Variants in MYO18B observed in about 807,000 individuals in gnomAD.
MYO18B encodes the protein myosin XVIIIB.
MYO18B carries 204 observed loss-of-function variants against 273.0 expected under a neutral mutation model. The ratio of observed to expected loss-of-function variants is 0.75; its 90% CI spans 0.67 to 0.84. The LOEUF is 0.84. Ranked by LOEUF, MYO18B falls within the 40% of genes least tolerant of loss-of-function variation. The pLI, the probability that MYO18B is intolerant of heterozygous loss-of-function variation, is 0.00. For synonymous variants in MYO18B, 1,330 were observed against 1,305.7 expected, an observed-to-expected ratio of 1.02 and a Z score of -0.40; for missense variants, 3,212 against 3,287.6, an observed-to-expected ratio of 0.98 and a Z score of 0.56.
intron 33 of MYO18B, among the ~76,000 whole-genome samples, chr22:25,920,575 G>C (rs1231875242): frequency 3.9e-5 from 6 of 152,112 alleles, no homozygotes; most frequent in Non-Finnish European, 8.8e-5. Context: ...CTCACCTCTG[G>C]GTAAGGTTCC....
chr22:26,022,762 T>C (rs1037525389), intron 42 of MYO18B, among the ~76,000 whole-genome samples: 1 of 152,238 alleles, frequency 6.6e-6, no homozygotes, highest in African/African-American at 2.4e-5. Flanking sequence ...TTAGACCCCA[T>C]GACAGCCAGG....
At chr22:25,868,443 C>G (rs2146144234) in intron 22 of MYO18B, 58 bp downstream of exon 22, 1 of 1,413,288 alleles carries the variant, frequency 7.1e-7, no homozygotes, top group South Asian at 1.2e-5. Flanking sequence ...CCAGAGATGA[C>G]CTGATTCTTG....
chr22:25,976,867 G>A (rs1450572265), intron 39 of MYO18B, among the ~76,000 whole-genome samples: 1 of 152,194 alleles, frequency 6.6e-6, no homozygotes, highest in Admixed American at 6.5e-5. Context: ...TGTGGAAAAT[G>A]CTGATTGAGG....
intron 33 of MYO18B, among the ~76,000 whole-genome samples, chr22:25,913,342 CA>C (rs2092196423): frequency 6.7e-6 from 1 of 150,028 alleles, no homozygotes; most frequent in South Asian, 2.1e-4. Flanking sequence ...GTGCATTTTT[CA>C]CATGTTGATT....
chr22:25,962,076 C>T (rs1247764916), intron 39 of MYO18B, among the ~76,000 whole-genome samples: 2 of 152,156 alleles, frequency 1.3e-5, no homozygotes, highest in Non-Finnish European at 2.9e-5. Flanking sequence ...GCCAAGTAAA[C>T]CTCTTTTCTT....
chr22:25,948,942 G>T (rs1188142601), intron 36 of MYO18B, among the ~76,000 whole-genome samples: 1 of 151,970 alleles, frequency 6.6e-6, no homozygotes, highest in African/African-American at 2.4e-5. Context: ...GGGGATTGGG[G>T]GTGCCTTCCA....
In MYO18B at chr22:25,828,909, C is replaced by T. The variant is rs1352786218; in HGVS notation, c.2920C>T (p.Arg974Cys). Residue 974 changes from arginine (R) to cysteine (C), a missense_variant, in exon 15 of 44, where the codon CGC becomes TGC. Coordinates refer to ENST00000335473, the MANE Select transcript of MYO18B (RefSeq NM_032608.7). ...GCTGTGCCACAACTACGCCCATGAG[C>T]GCCTGCAGCTGCTGTTCTACCAGCG... The part of the protein sequence containing the change: ...EELCHNYAHE[R>C]LQLLFYQRTF... 1.2e-5 allele frequency: 19 copies of T among 1,613,894 alleles called. No homozygotes were observed. Among genetic ancestry groups the T allele is most frequent in the Middle Eastern group, 1.6e-4 (1 of 6,084 alleles).
Position 25,898,460 on chromosome 22 carries a change from A to G in MYO18B, c.4822A>G (p.Lys1608Glu), listed in dbSNP as rs778936846. 4 of 1,613,370 alleles carry G rather than the reference A, an allele frequency of 2.5e-6. No homozygotes were observed. Among genetic ancestry groups the G allele is most frequent in the Non-Finnish European group, 3.4e-6 (4 of 1,179,630 alleles). ...RNHELEKKQK[K>E]FDLQLAQALG... ...CCATGAGCTGGAGAAGAAGCAGAAGAAGTGAGTTGCATCTCTCACCATCAC... is the reference window on the plus strand; with the variant it reads ...CCATGAGCTGGAGAAGAAGCAGAAGGAGTGAGTTGCATCTCTCACCATCAC... Residue 1608 changes from lysine to glutamate, a missense_variant and splice_region_variant, in exon 29 of 44, where the codon AAG (lysine) becomes GAG (glutamate). Coordinates refer to ENST00000335473, the MANE Select transcript of MYO18B (RefSeq NM_032608.7).
chr22:25,806,390 G>T (rs2088479480), intron 12 of MYO18B, among the ~76,000 whole-genome samples: 1 of 152,120 alleles, frequency 6.6e-6, no homozygotes, highest in Non-Finnish European at 1.5e-5. Flanking sequence ...GTCTCGAGAG[G>T]CTGGGCACAG....
rs765196788 is a variant in MYO18B at position 25,851,534 on chromosome 22, C to T, written c.3840C>T (p.Leu1280=). The T allele has an allele frequency of 2.6e-6, 4 of 1,561,044 alleles. No individual in the cohort carries two copies. The highest frequency in any genetic ancestry group is 1.7e-6 in the Non-Finnish European group (2 of 1,152,206). Residue 1280 remains leucine (L), a synonymous_variant, in exon 21 of 44, where the codon CTC becomes CTT. Coordinates refer to ENST00000335473, the MANE Select transcript of MYO18B (RefSeq NM_032608.7). ...AATTCCAGGTGCTGGACGCTCCACT[C>T]CTGAAGAAGCTCATGTCGACCTCCG... ...RRQFQVLDAP[L]LKKLMSTSEG...
rs773261405 is a variant in MYO18B at position 25,770,054 on chromosome 22, A to G, written c.1513-56A>G. The G allele has an allele frequency of 6.4e-6, 10 of 1,567,294 alleles. No individual in the cohort carries two copies. In the Admixed American group the frequency reaches 1.7e-4, roughly 26 times the overall value. On this transcript the variant is annotated intron_variant, in intron 4 of 43. Coordinates refer to ENST00000335473, the MANE Select transcript of MYO18B (RefSeq NM_032608.7). ...ACTGTGAGAAACCCCCGTGTAAGGT[A>G]GAAGATGGGCAGCGGTGCCATTTGC... is the stretch of plus-strand genomic sequence containing the variant.
At chr22:25,812,610 TG>T (rs1305506765) in intron 12 of MYO18B, among the ~76,000 whole-genome samples, 1 of 152,216 alleles carries the variant, frequency 6.6e-6, no homozygotes, top group African/African-American at 2.4e-5. Context: ...GTGGCTTCTC[TG>T]TGCAGAGGGC....
chr22:26,042,989 G>T, the MYO18B span, among the ~76,000 whole-genome samples: 1 of 152,158 alleles, frequency 6.6e-6, no homozygotes, highest in East Asian at 1.9e-4. Context: ...AGTCTGTTTG[G>T]ATGAATGCAT....
At chr22:26,006,947 T>C (rs1934478054) in intron 42 of MYO18B, among the ~76,000 whole-genome samples, 1 of 152,198 alleles carries the variant, frequency 6.6e-6, no homozygotes, top group Non-Finnish European at 1.5e-5. Flanking sequence ...GAGCAACTGA[T>C]CCATGCATAG....
At chr22:25,800,984 G>C (rs573293947) in intron 12 of MYO18B, among the ~76,000 whole-genome samples, 1 of 152,296 alleles carries the variant, frequency 6.6e-6, no homozygotes, top group South Asian at 2.1e-4. Context: ...AGGCCTGCCC[G>C]ATGATTTACT....
At chr22:25,992,183 A>G (rs1347404420) in intron 39 of MYO18B, among the ~76,000 whole-genome samples, 180 bp from the exon 40 acceptor site, 1 of 152,160 alleles carries the variant, frequency 6.6e-6, no homozygotes, top group Non-Finnish European at 1.5e-5. Flanking sequence ...GAAACTTGGA[A>G]CACCTGGTTG....
At chr22:25,968,803 G>A (rs925372037) in intron 39 of MYO18B, among the ~76,000 whole-genome samples, 16 of 152,140 alleles carry the variant, frequency 1.1e-4, no homozygotes, top group African/African-American at 2.2e-4. Flanking sequence ...TCTGTAAAAC[G>A]GACCAGACGA....
chr22:25,907,279 C>G (rs1460145733), intron 31 of MYO18B, among the ~76,000 whole-genome samples: 1 of 152,258 alleles, frequency 6.6e-6, no homozygotes, highest in African/African-American at 2.4e-5. Context: ...GCCTTCCACT[C>G]TAGAACCCTT....
chr22:25,825,387 A>G (rs1443782239), intron 13 of MYO18B, among the ~76,000 whole-genome samples: 2 of 152,142 alleles, frequency 1.3e-5, no homozygotes, highest in African/African-American at 4.8e-5. Context: ...ACTAGTGCGC[A>G]CTGATTTGGA....
Sources: gnomAD v4.1 joint callset for allele counts (sites outside exome capture counted in the v4.1 genomes callset) on GRCh38, gnomAD v4.1.1 for gene constraint, MANE v1.5 for transcripts, NCBI Gene and HGNC (gene_info 2026-07-23, HGNC 2026-07-21) for gene names.